The following MTMR14 variants were observed in gnomAD, a reference collection of about 807,000 sequenced individuals.
MTMR14 encodes the protein myotubularin related protein 14.
MTMR14 carries 48 observed loss-of-function variants against 86.3 expected under a neutral mutation model. That is an observed-to-expected ratio of 0.56 (90% CI 0.44 to 0.71). The LOEUF is 0.71. Among genes scored for constraint, MTMR14 ranks in the 30% least tolerant of loss-of-function variants. The pLI is 0.00. For missense variants in MTMR14, 780 were observed against 834.6 expected, an observed-to-expected ratio of 0.93 and a Z score of 0.81; for synonymous variants, 366 against 326.1, an observed-to-expected ratio of 1.12 and a Z score of -1.32.
chr3:9,699,778 G>C (rs1377271624), intron 18 of MTMR14: 1 of 152,370 alleles, frequency 6.6e-6, no homozygotes, highest in Non-Finnish European at 1.5e-5. Flanking sequence ...AGGGCAGTGA[G>C]AATGCTCATG....
chr3:9,649,866 A>C, intron 1 of MTMR14, 124 bp downstream of exon 1: 1 of 1,544,066 alleles, frequency 6.5e-7, no homozygotes. Flanking sequence ...GAGGAGAGAG[A>C]GAGAGGAGTT....
chr3:9,662,469 G>C lies in MTMR14; in HGVS notation c.417+94G>C, dbSNP rs1011121337. Reference sequence around the variant, plus strand: ...AGGGTCTTTTTTTCCCTCAACATTAGTAGCCAAGCATTGGGTGGTTACTGG... The same window carrying C: ...AGGGTCTTTTTTTCCCTCAACATTACTAGCCAAGCATTGGGTGGTTACTGG... On this transcript the variant is annotated intron_variant, in intron 3 of 18. Transcript: ENST00000296003. The C allele has an allele frequency of 3.9e-6, 4 of 1,020,352 alleles. No individual in the cohort carries two copies. The African/African-American group carries it at 6.3e-5, about 16-fold the overall frequency. 63.2% of individuals were successfully genotyped at this position (1,020,352 alleles called of 1,614,324 possible). A position where few individuals can be genotyped will look rare whatever the true frequency, so the allele number is the denominator to read the frequency against.
rs1158766240 is a variant in MTMR14, at chr3:9,649,581, G to T, written c.-3G>T. 1 of 1,543,618 alleles carries T rather than the reference G, an allele frequency of 6.5e-7. No homozygotes were observed. Among genetic ancestry groups the T allele is most frequent in the South Asian group, 1.2e-5 (1 of 83,698 alleles). On this transcript the variant is annotated 5_prime_UTR_variant, in exon 1 of 19. Coordinates refer to ENST00000296003, the MANE Select transcript of MTMR14 (RefSeq NM_001077525.3). Reference sequence around the variant, plus strand: ...GCACACTGAGGGGACGCGGGGCTGGGCCATGGCCGGCGCTCGGGCCGCCGC... The same window carrying T: ...GCACACTGAGGGGACGCGGGGCTGGTCCATGGCCGGCGCTCGGGCCGCCGC...
intron 3 of MTMR14, among the ~76,000 whole-genome samples, chr3:9,665,803 A>G (rs562103675): frequency 1.3e-4 from 19 of 147,074 alleles, no homozygotes; most frequent in African/African-American, 4.8e-4. Flanking sequence ...ATCTCAGCTC[A>G]CTGCAAGCTC....
chr3:9,682,217 CTG>C (rs1462255465), intron 9 of MTMR14, among the ~76,000 whole-genome samples: 1 of 152,198 alleles, frequency 6.6e-6, no homozygotes, highest in Non-Finnish European at 1.5e-5. Context: ...GCGCCTGTCT[CTG>C]TAGTCACTAA....
chr3:9,666,260 A>G (rs577681225), intron 3 of MTMR14, among the ~76,000 whole-genome samples: 3 of 151,088 alleles, frequency 2.0e-5, no homozygotes, highest in Non-Finnish European at 2.9e-5. Flanking sequence ...CAGCCTCCCA[A>G]CTAGCTGGGA....
At position 9,656,149 on chromosome 3, in the gene MTMR14, C is replaced by T. The variant is rs150799871; in HGVS notation, c.308+2380C>T. ...GGCGGAGACTGCACTGAGCCAAGAT[C>T]GAACCACTGCATTCCAGCCTGGCGA... On this transcript the variant is annotated intron_variant, in intron 2 of 18. Coordinates refer to ENST00000296003, the MANE Select transcript of MTMR14 (RefSeq NM_001077525.3). Among the ~76,000 whole-genome samples, 280 of 151,988 alleles carry T rather than the reference C, an allele frequency of 1.8e-3. 1 individual carries two copies. The highest frequency in any genetic ancestry group is 0.017 in the Middle Eastern group (5 of 294).
At chr3:9,675,508 G>A in intron 7 of MTMR14, 1 of 454,050 alleles carries the variant, frequency 2.2e-6, no homozygotes, top group South Asian at 1.6e-5. Flanking sequence ...TGGGCCCTTG[G>A]AAATGAGAAG....
At chr3:9,669,279 A>T (rs568939046) in intron 4 of MTMR14, among the ~76,000 whole-genome samples, 153 bp from the exon 5 acceptor site, 1 of 152,256 alleles carries the variant, frequency 6.6e-6, no homozygotes, top group South Asian at 2.1e-4. Context: ...GGTGAAGACT[A>T]CCAGGCATAT....
intron 17 of MTMR14, among the ~76,000 whole-genome samples, chr3:9,692,196 A>G (rs1158126291): frequency 2.0e-5 from 3 of 152,216 alleles, no homozygotes; most frequent in Admixed American, 6.5e-5. Flanking sequence ...GTGACAGCCA[A>G]AATTCTCCTA....
chr3:9,701,887 C>T lies in MTMR14; in HGVS notation c.1867C>T (p.Pro623Ser), dbSNP rs1380658470. Residue 623 changes from proline (P) to serine (S), a missense_variant, in exon 19 of 19, where the codon CCC (proline) becomes TCC (serine). Pro to Ser is a moderately conservative substitution (Grantham distance 74). Coordinates refer to ENST00000296003, the MANE Select transcript of MTMR14 (RefSeq NM_001077525.3). The surrounding 1 kb of genome is among the most constrained non-coding windows in gnomAD (Gnocchi z 4.2). ...SSTVGLRAVA[P>S]SPSGAIGGLL... ...CACAGTGGGGCTTCGGGCAGTAGCC[C>T]CCAGTCCTTCCGGTGCCATCGGGGG... The T allele has an allele frequency of 1.9e-6, 3 of 1,614,030 alleles. No individual in the cohort carries two copies. The highest frequency in any genetic ancestry group is 1.6e-4 in the Middle Eastern group (1 of 6,084).
At position 9,677,900 on chromosome 3, in the gene MTMR14, C is replaced by T; in HGVS notation, c.823-84C>T. ...AGGCAAGCACTGCCTGTGGTAGTCACAGCCTCAGGACTGCAAGCTTCCCCA... is the reference window on the plus strand; with the variant it reads ...AGGCAAGCACTGCCTGTGGTAGTCATAGCCTCAGGACTGCAAGCTTCCCCA... On this transcript the variant is annotated intron_variant, in intron 8 of 18. Transcript: ENST00000296003. This position sits in a 1 kb window ranked among gnomAD's most constrained non-coding sequence, Gnocchi z 4.2. The T allele has an allele frequency of 7.9e-7, 1 of 1,258,298 alleles. No individual in the cohort carries two copies. Among genetic ancestry groups the T allele is most frequent in the South Asian group, 1.3e-5 (1 of 75,682 alleles). 77.9% of individuals were successfully genotyped at this position (1,258,298 alleles called of 1,614,324 possible).
intron 2 of MTMR14, among the ~76,000 whole-genome samples, chr3:9,661,660 CT>C (rs2125041501): frequency 1.3e-5 from 2 of 152,232 alleles, no homozygotes; most frequent in South Asian, 4.1e-4. Flanking sequence ...ATTGGACACC[CT>C]AGACATAATA....
In MTMR14 at chr3:9,694,990, C is replaced by G. The variant is rs1575083313; in HGVS notation, c.1614-2721C>G. ...GTGACCTCTGAAGCGTTGTTCAGCT[C>G]CGCCACCATCCAGTTTGAGGGTTGC... On this transcript the variant is annotated intron_variant, in intron 17 of 18. Transcript: ENST00000296003. 2.0e-5 allele frequency among the ~76,000 whole-genome samples: 3 copies of G among 152,346 alleles called. No individual in the cohort carries two copies. The South Asian group carries it at 6.2e-4, about 32-fold the overall frequency.
chr3:9,657,904 G>A (rs778384015), intron 2 of MTMR14, among the ~76,000 whole-genome samples: 2 of 152,092 alleles, frequency 1.3e-5, no homozygotes, highest in Non-Finnish European at 2.9e-5. Context: ...TGCCTTTGCC[G>A]AAGATCACAG....
chr3:9,686,147 C>A (rs1352172166), intron 13 of MTMR14, among the ~76,000 whole-genome samples: 1 of 152,234 alleles, frequency 6.6e-6, no homozygotes, highest in African/African-American at 2.4e-5. Context: ...CTCCTCTCCT[C>A]TTCCAAATCT....
intron 3 of MTMR14, among the ~76,000 whole-genome samples, chr3:9,665,631 G>GA (rs1258062700): frequency 6.6e-6 from 1 of 151,802 alleles, no homozygotes; most frequent in Admixed American, 6.6e-5. Context: ...TAATGTTTAA[G>GA]AAAAAAGAAA....
intron 18 of MTMR14, chr3:9,700,735 GCAGA>G (rs1326976960): frequency 6.6e-6 from 1 of 152,164 alleles, no homozygotes; most frequent in African/African-American, 2.4e-5. Flanking sequence ...CTTCAACCCA[GCAGA>G]CAGTGGGTTC....
intron 1 of MTMR14, 152 bp downstream of exon 1, chr3:9,649,894 G>C: frequency 6.6e-7 from 1 of 1,510,998 alleles, no homozygotes. Flanking sequence ...GTCTGTATCC[G>C]GAGTATAAGA....
Sources: gnomAD v4.1 joint callset for allele counts (sites outside exome capture counted in the v4.1 genomes callset) on GRCh38, gnomAD v4.1.1 for gene constraint, Gnocchi (gnomAD v3.1) non-coding constraint, MANE v1.5 for transcripts, NCBI Gene and HGNC (gene_info 2026-07-23, HGNC 2026-07-21) for gene names.